Variants in TMEM132D observed in about 807,000 individuals in gnomAD.
The protein encoded by TMEM132D is mature OL transmembrane protein.
In TMEM132D, 21 loss-of-function variants were observed where a neutral mutation model predicts 62.3. The ratio of observed to expected loss-of-function variants is 0.34; its 90% CI spans 0.24 to 0.49. TMEM132D has a LOEUF of 0.49. TMEM132D is among the 20% of genes least tolerant of loss of function. The pLI is 0.99. For synonymous variants in TMEM132D, 621 were observed against 575.6 expected (o/e 1.08, Z -1.13); for missense variants, 1,346 against 1,402.8 (o/e 0.96, Z 0.65).
intron 2 of TMEM132D, among the ~76,000 whole-genome samples, chr12:129,603,366 T>C (rs952849367): frequency 2.6e-5 from 4 of 152,238 alleles, no homozygotes; most frequent in Non-Finnish European, 5.9e-5. Flanking sequence ...TTTTGTCTTT[T>C]GCAAAATGTT....
chr12:129,326,162 G>A (rs3850005), intron 4 of TMEM132D, among the ~76,000 whole-genome samples: 1 of 151,982 alleles, frequency 6.6e-6, no homozygotes. Flanking sequence ...ACTCTCCATG[G>A]GGTGACATAT....
At chr12:129,817,938 T>TGTGTGTGTGGTGTGAG (rs1872407512) in intron 1 of TMEM132D, among the ~76,000 whole-genome samples, 1 of 141,274 alleles carries the variant, frequency 7.1e-6, no homozygotes, top group East Asian at 2.2e-4. Flanking sequence ...TGGTTTGGAG[T>TGTGTGTGTGGTGTGAG]GTGTGTGTGT....
intron 4 of TMEM132D, among the ~76,000 whole-genome samples, chr12:129,269,070 A>C (rs993130103): frequency 6.6e-6 from 1 of 151,224 alleles, no homozygotes; most frequent in African/African-American, 2.4e-5. Context: ...CCTAATGCTA[A>C]ATGACGAGTT....
At chr12:129,532,879 C>T (rs1165108283) in intron 2 of TMEM132D, among the ~76,000 whole-genome samples, 4 of 152,174 alleles carry the variant, frequency 2.6e-5, no homozygotes, top group South Asian at 4.1e-4. Context: ...CGTGACTCCA[C>T]GGGGAGAGGA....
At chr12:129,726,633 T>C (rs1255970737) in intron 1 of TMEM132D, among the ~76,000 whole-genome samples, 2 of 152,122 alleles carry the variant, frequency 1.3e-5, no homozygotes, top group Non-Finnish European at 2.9e-5. Context: ...ACTTGAAAGA[T>C]TGTCTTGCTG....
rs375191024 is a variant in TMEM132D at position 129,773,738 on chromosome 12, A to C, written c.80-73040T>G. 2.7e-4 allele frequency among the ~76,000 whole-genome samples: 41 copies of C among 152,316 alleles called. 1 individual carries two copies. The highest frequency in any genetic ancestry group is 9.4e-4 in the African/African-American group (39 of 41,578). Reference sequence around the variant, plus strand: ...ATAAGAGCACGTCACTGGATGGAATACTTCATATTCACCAGGACATTCTTG... The same window carrying C: ...ATAAGAGCACGTCACTGGATGGAATCCTTCATATTCACCAGGACATTCTTG... On this transcript the variant is annotated intron_variant, in intron 1 of 8. Coordinates refer to ENST00000422113, the MANE Select transcript of TMEM132D (RefSeq NM_133448.3).
chr12:129,663,056 A>C (rs1424153118), intron 2 of TMEM132D, among the ~76,000 whole-genome samples: 1 of 152,068 alleles, frequency 6.6e-6, no homozygotes, highest in Non-Finnish European at 1.5e-5. Context: ...TGAAGGTTAT[A>C]GTCTTTATAC....
intron 1 of TMEM132D, among the ~76,000 whole-genome samples, chr12:129,859,616 C>CA (rs1873829146): frequency 2.0e-5 from 3 of 152,178 alleles, no homozygotes; most frequent in Non-Finnish European, 4.4e-5. Context: ...GGGCGGGCAC[C>CA]AACCAATCAG....
chr12:129,276,641 C>T (rs1881014638), intron 4 of TMEM132D, among the ~76,000 whole-genome samples: 1 of 152,170 alleles, frequency 6.6e-6, no homozygotes, highest in Non-Finnish European at 1.5e-5. Context: ...CTCCTCTCAG[C>T]ACCAGACAAA....
At chr12:129,391,648 C>T (rs1409534730) in intron 3 of TMEM132D, among the ~76,000 whole-genome samples, 1 of 152,208 alleles carries the variant, frequency 6.6e-6, no homozygotes, top group Non-Finnish European at 1.5e-5. Context: ...ACATTAAAAT[C>T]ATCAGCAGTG....
At chr12:129,656,629 C>T (rs1290038513) in intron 2 of TMEM132D, among the ~76,000 whole-genome samples, 1 of 152,138 alleles carries the variant, frequency 6.6e-6, no homozygotes, top group Admixed American at 6.5e-5. Flanking sequence ...TATGTGCCTA[C>T]CTAAAATTGG....
rs536150053 is a variant in TMEM132D at position 129,544,637 on chromosome 12, A to G, written c.969-13432T>C. On this transcript the variant is annotated intron_variant, in intron 2 of 8. Transcript: ENST00000422113. ...GCTTCATTTTCAGGAATATCCTAAT[A>G]CCACATATTTCAGTAAGAACCACTT... 1.4e-4 allele frequency among the ~76,000 whole-genome samples: 22 copies of G among 152,336 alleles called. No homozygotes were observed. In the East Asian group the frequency reaches 4.1e-3, roughly 28 times the overall value.
At chr12:129,323,161 C>G (rs1216158254) in intron 4 of TMEM132D, among the ~76,000 whole-genome samples, 1 of 152,044 alleles carries the variant, frequency 6.6e-6, no homozygotes, top group Admixed American at 6.6e-5. Flanking sequence ...TGCAGGGAGG[C>G]CTTTCTGTTG....
rs71451320 is a variant in TMEM132D, at chr12:129,588,740, A to ATT, written c.969-57537_969-57536dup. 1.3e-3 allele frequency among the ~76,000 whole-genome samples: 41 copies of ATT among 31,102 alleles called. 1 individual carries two copies. Among genetic ancestry groups the ATT allele is most frequent in the African/African-American group, 3.1e-3 (31 of 10,056 alleles). 20.4% of individuals were successfully genotyped at this position (31,102 alleles called of 152,430 possible). ...CAGGCACCTGCCACCACGCCCAGCT[A>ATT]TTTTTTTCTTTTTTTTTTTTTTTTT... On this transcript the variant is annotated intron_variant, in intron 2 of 8. Coordinates refer to ENST00000422113, the MANE Select transcript of TMEM132D (RefSeq NM_133448.3).
At chr12:129,605,604 T>TACACACACACAC (rs1555221323) in intron 2 of TMEM132D, among the ~76,000 whole-genome samples, 2 of 106,274 alleles carry the variant, frequency 1.9e-5, no homozygotes, top group Admixed American at 9.3e-5. Flanking sequence ...TATATATATA[T>TACACACACACAC]ACACACACAT....
intron 3 of TMEM132D, among the ~76,000 whole-genome samples, chr12:129,512,966 G>A (rs1176411231): frequency 6.6e-6 from 1 of 152,194 alleles, no homozygotes; most frequent in Non-Finnish European, 1.5e-5. Context: ...CCTTCTGAAG[G>A]CAGGAGTGTC....
chr12:129,129,539 G>A (rs1876310530), intron 5 of TMEM132D, among the ~76,000 whole-genome samples: 1 of 152,116 alleles, frequency 6.6e-6, no homozygotes, highest in Non-Finnish European at 1.5e-5. Context: ...TGGTAGTTCT[G>A]GGTTAAGTTC....
chr12:129,743,645 A>G lies in TMEM132D; in HGVS notation c.80-42947T>C, dbSNP rs1050011745. Among the ~76,000 whole-genome samples the G allele has an allele frequency of 3.7e-4, 56 of 152,174 alleles. 1 individual carries two copies. The highest frequency in any genetic ancestry group is 1.3e-4 in the Non-Finnish European group (9 of 68,034). ...ACCAAAAAAATATGCTCGTGCCCTA[A>G]TCCTTGAAACCTGTGAACATGTTAG... On this transcript the variant is annotated intron_variant, in intron 1 of 8. Transcript: ENST00000422113.
At chr12:129,733,315 GTAGT>G (rs1869312550) in intron 1 of TMEM132D, among the ~76,000 whole-genome samples, 1 of 152,150 alleles carries the variant, frequency 6.6e-6, no homozygotes, top group African/African-American at 2.4e-5. Flanking sequence ...CTAACTCTTG[GTAGT>G]TAGTGTCAGA....
Sources: allele counts gnomAD v4.1 joint callset (sites outside exome capture counted in the v4.1 genomes callset), GRCh38; gene constraint gnomAD v4.1.1; transcripts MANE v1.5; gene names NCBI Gene and HGNC (gene_info 2026-07-23, HGNC 2026-07-21).